Variants in RALGPS1 observed in about 807,000 individuals in gnomAD.
The protein encoded by RALGPS1 is Ral GEF with PH domain and SH3 binding motif 1.
In RALGPS1, 19 loss-of-function variants were observed where a neutral mutation model predicts 78.8. The observed-to-expected ratio is 0.24, with a 90% CI of 0.17 to 0.35. The LOEUF is 0.35. Among genes scored for constraint, RALGPS1 ranks in the 10% least tolerant of loss-of-function variants. RALGPS1 has a pLI of 1.00. For synonymous variants in RALGPS1, 228 were observed against 256.3 expected (o/e 0.89, Z 1.06); for missense variants, 454 against 688.3 (o/e 0.66, Z 3.81).
chr9:126,967,756 T>A (rs1290377261), intron 3 of RALGPS1, among the ~76,000 whole-genome samples: 1 of 152,042 alleles, frequency 6.6e-6, no homozygotes, highest in South Asian at 2.1e-4. Flanking sequence ...GTGGCTGGTC[T>A]CCAATTCTTG....
Position 127,069,359 on chromosome 9 carries a change from A to G in RALGPS1, c.610+3A>G, listed in dbSNP as rs1458584889. On this transcript the variant is annotated splice_donor_region_variant and intron_variant, in intron 8 of 18. Coordinates refer to ENST00000259351, the MANE Select transcript of RALGPS1 (RefSeq NM_014636.3). ...GGTTCCAAGTATTCCCTATCTAGGT[A>G]GGAGTTTGAATTGGCTTATTTTTTT... 1 of 1,613,352 alleles carries G rather than the reference A, an allele frequency of 6.2e-7. No individual in the cohort carries two copies. Among genetic ancestry groups the G allele is most frequent in the Non-Finnish European group, 8.5e-7 (1 of 1,179,616 alleles).
At chr9:126,915,529 C>G (rs1231199925) in intron 1 of RALGPS1, 1 of 152,284 alleles carries the variant, frequency 6.6e-6, no homozygotes, top group Non-Finnish European at 1.5e-5. Flanking sequence ...GCCGCCCTCT[C>G]CGCTGCCCAG....
intron 8 of RALGPS1, among the ~76,000 whole-genome samples, chr9:127,161,906 A>AGAAACTCTCAGCTTCAGTTTCTTTCC (rs2059042390): frequency 6.6e-6 from 1 of 152,196 alleles, no homozygotes; most frequent in Non-Finnish European, 1.5e-5. Flanking sequence ...TTCTTTCCTT[A>AGAAACTCTCAGCTTCAGTTTCTTTCC]TAAAATCACA....
chr9:127,205,798 G>T lies in RALGPS1; in HGVS notation c.1248-6333G>T, dbSNP rs993734496. On this transcript the variant is annotated intron_variant, in intron 14 of 18. Transcript: ENST00000259351. The surrounding 1 kb of genome is among the most constrained non-coding windows in gnomAD (Gnocchi z 4.0). ...GGTTTACATGTGATAGTTTCGCCCAGCCACTGAGCCTCACTTTCAGCCTCT... is the reference window on the plus strand; with the variant it reads ...GGTTTACATGTGATAGTTTCGCCCATCCACTGAGCCTCACTTTCAGCCTCT... Among the ~76,000 whole-genome samples the T allele has an allele frequency of 2.0e-5, 3 of 152,234 alleles. No homozygotes were observed. The highest frequency in any genetic ancestry group is 4.4e-5 in the Non-Finnish European group (3 of 68,036).
chr9:127,021,026 T>C (rs1267203009), intron 4 of RALGPS1, among the ~76,000 whole-genome samples: 1 of 152,226 alleles, frequency 6.6e-6, no homozygotes, highest in Admixed American at 6.5e-5. Context: ...TTATTGTTTT[T>C]ATTGTCATTA....
At chr9:127,057,177 C>A (rs1200455784) in intron 7 of RALGPS1, among the ~76,000 whole-genome samples, 2 of 152,122 alleles carry the variant, frequency 1.3e-5, no homozygotes, top group African/African-American at 4.8e-5. Context: ...ATGGCAAGAA[C>A]CTGTGAGAGA....
chr9:127,061,354 C>T (rs1031776030), intron 7 of RALGPS1, among the ~76,000 whole-genome samples: 2 of 152,298 alleles, frequency 1.3e-5, no homozygotes, highest in Middle Eastern at 3.4e-3. Context: ...TCATTCTTTT[C>T]GATTTGCTGT....
intron 8 of RALGPS1, among the ~76,000 whole-genome samples, chr9:127,113,333 C>T (rs1023361473): frequency 5.9e-5 from 9 of 152,150 alleles, no homozygotes; most frequent in Admixed American, 5.9e-4. Context: ...TCTCTTTGAG[C>T]CTCAGAGTCA....
chr9:127,163,521 T>A (rs987625864), intron 8 of RALGPS1, among the ~76,000 whole-genome samples: 3 of 152,244 alleles, frequency 2.0e-5, no homozygotes, highest in Middle Eastern at 3.2e-3. Context: ...TTAGCATATG[T>A]TTCTGTGATT....
intron 1 of RALGPS1, among the ~76,000 whole-genome samples, chr9:126,935,363 C>T (rs550090945): frequency 7.2e-5 from 11 of 152,254 alleles, no homozygotes; most frequent in African/African-American, 1.4e-4. Context: ...GTTGCCATGG[C>T]GCCCAGGTCT....
At chr9:127,216,979 A>G in intron 18 of RALGPS1, 1 of 1,544,448 alleles carries the variant, frequency 6.5e-7, no homozygotes, top group Non-Finnish European at 8.7e-7. Context: ...GGTGCGGGGA[A>G]GGAGGCAGGG....
intron 8 of RALGPS1, among the ~76,000 whole-genome samples, chr9:127,149,924 C>T (rs995970429): frequency 3.3e-5 from 5 of 152,184 alleles, no homozygotes; most frequent in African/African-American, 1.2e-4. Context: ...GTGGCAGCAC[C>T]CCTGCCCTGG....
chr9:127,176,820 G>A (rs999908697), intron 11 of RALGPS1, among the ~76,000 whole-genome samples: 3 of 152,176 alleles, frequency 2.0e-5, no homozygotes, highest in Admixed American at 6.5e-5. Flanking sequence ...GATGGTGTTC[G>A]CCTTGGTGTG....
At chr9:127,047,834 CTTG>C (rs1270061745) in intron 5 of RALGPS1, among the ~76,000 whole-genome samples, 1 of 152,022 alleles carries the variant, frequency 6.6e-6, no homozygotes, top group African/African-American at 2.4e-5. Flanking sequence ...TCTCTTATTC[CTTG>C]TTTTCTTCAT....
chr9:127,088,996 A>G (rs1219130147), intron 8 of RALGPS1: 6 of 1,614,180 alleles, frequency 3.7e-6, no homozygotes, highest in Non-Finnish European at 5.1e-6. Flanking sequence ...TGAGTGAGTA[A>G]GAGCCTCCTC....
intron 8 of RALGPS1, among the ~76,000 whole-genome samples, chr9:127,144,180 C>T (rs1035167572): frequency 5.9e-5 from 9 of 152,350 alleles, no homozygotes; most frequent in Admixed American, 2.0e-4. Context: ...GCTTCCCTGG[C>T]TCAGATCCTT....
rs938033571 is a variant in RALGPS1, at chr9:127,199,915, C to T, written c.1247+849C>T. On this transcript the variant is annotated intron_variant, in intron 14 of 18. Transcript: ENST00000259351. ...GGCCCTGGGCACACACACACACGTACACATGCACACTCACATATACACACA... is the reference window on the plus strand; with the variant it reads ...GGCCCTGGGCACACACACACACGTATACATGCACACTCACATATACACACA... Among the ~76,000 whole-genome samples the T allele has an allele frequency of 3.9e-5, 6 of 151,994 alleles. No homozygotes were observed. The South Asian group carries it at 6.2e-4, about 16-fold the overall frequency.
intron 8 of RALGPS1, among the ~76,000 whole-genome samples, chr9:127,081,517 A>G (rs2051169289): frequency 6.6e-6 from 1 of 152,236 alleles, no homozygotes; most frequent in African/African-American, 2.4e-5. Context: ...GGCTTGGAGA[A>G]GGCTGTGTGC....
At chr9:127,155,436 T>C (rs1269296628) in intron 8 of RALGPS1, among the ~76,000 whole-genome samples, 1 of 152,074 alleles carries the variant, frequency 6.6e-6, no homozygotes, top group Non-Finnish European at 1.5e-5. Context: ...ACCCCTCTGC[T>C]GAGGCTCAGA....
Sources: allele counts gnomAD v4.1 joint callset (sites outside exome capture counted in the v4.1 genomes callset), GRCh38; gene constraint gnomAD v4.1.1; non-coding constraint Gnocchi (gnomAD v3.1); transcripts MANE v1.5; gene names NCBI Gene and HGNC (gene_info 2026-07-23, HGNC 2026-07-21).